The following EPB41L2 variants were observed in gnomAD, a reference collection of about 807,000 sequenced individuals.
The protein encoded by EPB41L2 is erythrocyte membrane protein band 4.1 like 2.
In EPB41L2, 43 loss-of-function variants were observed where a neutral mutation model predicts 113.0. That is an observed-to-expected ratio of 0.38 (90% confidence interval 0.30 to 0.49). EPB41L2 has a LOEUF of 0.49. Ranked by LOEUF, EPB41L2 falls within the 20% of genes least tolerant of loss-of-function variation. The probability of loss-of-function intolerance (pLI) is 0.95; values close to 1 mark genes in which losing one functional copy is unlikely to be tolerated. For missense variants in EPB41L2, 1,147 were observed against 1,223.4 expected, an observed-to-expected ratio of 0.94 and a Z score of 0.93; for synonymous variants, 442 against 436.7, an observed-to-expected ratio of 1.01 and a Z score of -0.15.
intron 1 of EPB41L2, among the ~76,000 whole-genome samples, chr6:131,055,789 T>C (rs1797464971): frequency 6.6e-6 from 1 of 152,150 alleles, no homozygotes; most frequent in African/African-American, 2.4e-5. Context: ...GTTATTAACA[T>C]ATGTAAAGTA....
In EPB41L2 at chr6:130,900,903, A is replaced by G. The variant is rs1210861749; in HGVS notation, c.1148+59T>C. The stretch of plus-strand genomic sequence containing the variant: ...CATGCTCAAATGTCTAGTAAGTGCT[A>G]CAAGAGAAGCTATTTAAATCTCCCA... On this transcript the variant is annotated intron_variant, in intron 7 of 19. Transcript: ENST00000337057. The G allele has an allele frequency of 1.2e-5, 19 of 1,570,692 alleles. No individual in the cohort carries two copies. The East Asian group carries it at 3.4e-4, about 28-fold the overall frequency.
In EPB41L2 at chr6:130,847,222, TTGG is replaced by T. The variant is rs552987279; in HGVS notation, c.*6-6627_*6-6625del. 3.2e-3 allele frequency among the ~76,000 whole-genome samples: 492 copies of T among 152,334 alleles called. 1 individual carries two copies. Among genetic ancestry groups the T allele is most frequent in the African/African-American group, 0.011 (477 of 41,578 alleles). On this transcript the variant is annotated intron_variant, in intron 19 of 19. Coordinates refer to ENST00000337057, the MANE Select transcript of EPB41L2 (RefSeq NM_001431.4). ...CAATCTCCAACTATCCAGATTGCCC[TTGG>T]TGCTTTGCACAGAGGAGCTTTCCTG... is the stretch of plus-strand genomic sequence containing the variant.
intron 1 of EPB41L2, among the ~76,000 whole-genome samples, chr6:130,985,756 A>G (rs900663738): frequency 1.2e-4 from 19 of 152,192 alleles, no homozygotes; most frequent in African/African-American, 4.3e-4. Flanking sequence ...TTTGAAGAAC[A>G]GAAAAAGAAC....
chr6:130,955,737 G>C (rs1817224233), intron 2 of EPB41L2, among the ~76,000 whole-genome samples: 1 of 152,148 alleles, frequency 6.6e-6, no homozygotes, highest in Non-Finnish European at 1.5e-5. Flanking sequence ...AGAGATGGCA[G>C]GGCTCGGAGT....
intron 16 of EPB41L2, among the ~76,000 whole-genome samples, chr6:130,866,524 C>G (rs1490439877): frequency 6.6e-6 from 1 of 152,170 alleles, no homozygotes; most frequent in African/African-American, 2.4e-5. Flanking sequence ...AATGCTCCCC[C>G]GCCAAGCTGT....
chr6:130,966,392 C>A (rs117944699), intron 1 of EPB41L2, among the ~76,000 whole-genome samples: 1 of 152,134 alleles, frequency 6.6e-6, no homozygotes, highest in South Asian at 2.1e-4. Context: ...AAGATTCAGA[C>A]GGTATAAGTG....
chr6:130,962,813 G>C (rs1011840503), intron 1 of EPB41L2, among the ~76,000 whole-genome samples: 1 of 152,060 alleles, frequency 6.6e-6, no homozygotes, highest in Non-Finnish European at 1.5e-5. Flanking sequence ...TTTCAATAGA[G>C]GCTAGCTCCA....
intron 1 of EPB41L2, among the ~76,000 whole-genome samples, chr6:130,998,331 A>G (rs746593761): frequency 4.6e-5 from 7 of 152,214 alleles, no homozygotes; most frequent in Non-Finnish European, 8.8e-5. Context: ...GAACTTTCCT[A>G]TAACACCATA....
rs375798862 is a variant in EPB41L2, at chr6:130,869,852, T to G, written c.2318A>C (p.Tyr773Ser). Residue 773 changes from tyrosine to serine, a missense_variant, in exon 15 of 20, where the codon TAT becomes TCT. By Grantham distance (144) the Tyr-to-Ser change is moderately radical. Coordinates refer to ENST00000337057, the MANE Select transcript of EPB41L2 (RefSeq NM_001431.4). ...TEGTIREEQE[Y>S]EEEVEEEPRP... ...GGGTTCTTCCTCCACCTCTTCTTCA[T>G]ACTCCTGTTCCTCCCTGATGGTGCC... is the stretch of plus-strand genomic sequence containing the variant. 21 of 1,613,730 alleles carry G rather than the reference T, an allele frequency of 1.3e-5. No individual in the cohort carries two copies. Among genetic ancestry groups the G allele is most frequent in the Non-Finnish European group, 1.6e-5 (19 of 1,179,998 alleles).
chr6:130,912,595 G>A (rs1799765045), intron 4 of EPB41L2, among the ~76,000 whole-genome samples: 1 of 152,168 alleles, frequency 6.6e-6, no homozygotes, highest in African/African-American at 2.4e-5. Flanking sequence ...GACGTGAGGG[G>A]CAGCAGGCCT....
intron 8 of EPB41L2, among the ~76,000 whole-genome samples, chr6:130,898,637 G>C (rs1795353054): frequency 6.6e-6 from 1 of 151,912 alleles, no homozygotes. Context: ...ATTTCTTTAT[G>C]AACAGGATTT....
At chr6:131,043,364 T>C (rs1794804524) in intron 1 of EPB41L2, among the ~76,000 whole-genome samples, 1 of 152,082 alleles carries the variant, frequency 6.6e-6, no homozygotes, top group South Asian at 2.1e-4. Flanking sequence ...TATTTAGGTA[T>C]ACTCTTTGAG....
chr6:130,983,932 G>T (rs1584263243), intron 1 of EPB41L2, among the ~76,000 whole-genome samples: 1 of 152,070 alleles, frequency 6.6e-6, no homozygotes, highest in South Asian at 2.1e-4. Flanking sequence ...TTATAAACTT[G>T]CATTTTTTAA....
At chr6:130,894,312 G>A in intron 10 of EPB41L2, 32 bp downstream of exon 10, 1 of 1,568,516 alleles carries the variant, frequency 6.4e-7, no homozygotes. Flanking sequence ...GTGCGATCAT[G>A]CCCGGCTTCC....
intron 4 of EPB41L2, among the ~76,000 whole-genome samples, chr6:130,918,538 T>C (rs1801846117): frequency 6.6e-6 from 1 of 152,300 alleles, no homozygotes; most frequent in African/African-American, 2.4e-5. Context: ...ACATTTTCCA[T>C]AGTAAAGTTT....
chr6:130,939,726 T>C (rs568127547), intron 3 of EPB41L2, among the ~76,000 whole-genome samples: 3 of 152,278 alleles, frequency 2.0e-5, no homozygotes, highest in Admixed American at 6.5e-5. Flanking sequence ...CAATGAACTA[T>C]GTCAAAACAG....
intron 1 of EPB41L2, among the ~76,000 whole-genome samples, chr6:131,017,646 A>G (rs1477565550): frequency 6.6e-6 from 1 of 152,198 alleles, no homozygotes; most frequent in Non-Finnish European, 1.5e-5. Context: ...GTCAATAAGC[A>G]TGCCTTCTGA....
intron 1 of EPB41L2, among the ~76,000 whole-genome samples, chr6:131,058,612 A>C (rs1022174346): frequency 2.0e-5 from 3 of 152,266 alleles, no homozygotes; most frequent in Admixed American, 2.0e-4. Flanking sequence ...TTTATTAAAT[A>C]CAATGAGTAG....
intron 1 of EPB41L2, among the ~76,000 whole-genome samples, chr6:131,022,782 TA>T (rs1789802602): frequency 6.6e-6 from 1 of 152,228 alleles, no homozygotes; most frequent in East Asian, 1.9e-4. Flanking sequence ...AAACTGTAAA[TA>T]ATACCATTGT....
Sources: gnomAD v4.1 joint callset for allele counts (sites outside exome capture counted in the v4.1 genomes callset) on GRCh38, gnomAD v4.1.1 for gene constraint, MANE v1.5 for transcripts, NCBI Gene and HGNC (gene_info 2026-07-23, HGNC 2026-07-21) for gene names.